CYP4F3: variants seen among roughly 807,000 people sequenced by gnomAD.
CYP4F3 encodes the protein cytochrome P450 family 4 subfamily F member 3.
A neutral mutation model predicts 54.8 loss-of-function variants in CYP4F3; 50 were observed. The ratio of observed to expected loss-of-function variants is 0.91; its 90% CI spans 0.73 to 1.16. CYP4F3 has a LOEUF of 1.16. Ranked by LOEUF, CYP4F3 falls within the 50% of genes most tolerant of loss-of-function variation. The pLI, the probability that CYP4F3 is intolerant of heterozygous loss-of-function variation, is 0.00. For missense variants in CYP4F3, 715 were observed against 676.2 expected (o/e 1.06, Z -0.64); for synonymous variants, 244 against 262.6 (o/e 0.93, Z 0.69).
intron 11 of CYP4F3, 59 bp downstream of exon 11, chr19:15,658,614 G>T: frequency 6.2e-7 from 1 of 1,610,848 alleles, no homozygotes; most frequent in Non-Finnish European, 8.5e-7. Context: ...AGGGGGCAGG[G>T]TTTTGATCAG....
intron 8 of CYP4F3, 66 bp downstream of exon 8, chr19:15,652,701 G>A: frequency 3.1e-6 from 5 of 1,612,202 alleles, no homozygotes; most frequent in Non-Finnish European, 3.4e-6. Flanking sequence ...CAGGGTGGGT[G>A]GACCCCTCGC....
At chr19:15,651,315 G>GT (rs1972848696) in intron 7 of CYP4F3, among the ~76,000 whole-genome samples, 1 of 136,658 alleles carries the variant, frequency 7.3e-6, no homozygotes, top group African/African-American at 2.6e-5. Flanking sequence ...CTATGTCCAT[G>GT]TTTTTTTGTC....
At chr19:15,646,615 G>C (rs1972632802) in intron 3 of CYP4F3, among the ~76,000 whole-genome samples, 2 of 152,140 alleles carry the variant, frequency 1.3e-5, no homozygotes, top group Non-Finnish European at 2.9e-5. Flanking sequence ...GCCATGTCAG[G>C]ACTTGTGAAC....
At position 15,658,271 on chromosome 19, in the gene CYP4F3, C is replaced by G. The variant is rs775424947; in HGVS notation, c.1123C>G (p.Leu375Val). Residue 375 changes from leucine to valine, a missense_variant, in exon 10 of 13, where the codon CTG becomes GTG. Leu to Val is a conservative substitution (Grantham distance 32). Coordinates refer to ENST00000221307, the MANE Select transcript of CYP4F3 (RefSeq NM_000896.3). ...GCTGGGGTGTTTCCTTAGGGACGAC[C>G]TGGCCCAGCTGCCCTTCCTGACCAT... The part of the protein sequence containing the change: ...REPKEIEWDD[L>V]AQLPFLTMCI... 3.7e-6 allele frequency: 6 copies of G among 1,614,030 alleles called. No individual in the cohort carries two copies. Among genetic ancestry groups the G allele is most frequent in the Non-Finnish European group, 5.1e-6 (6 of 1,179,964 alleles).
chr19:15,645,294 C>T (rs1972589843), intron 2 of CYP4F3, among the ~76,000 whole-genome samples: 2 of 152,206 alleles, frequency 1.3e-5, no homozygotes, highest in South Asian at 4.1e-4. Flanking sequence ...CTAGTCTCGG[C>T]AGGCCTGGGC....
chr19:15,653,888 C>G (rs1379974741), intron 9 of CYP4F3, among the ~76,000 whole-genome samples: 1 of 151,904 alleles, frequency 6.6e-6, no homozygotes, highest in Non-Finnish European at 1.5e-5. Context: ...GCTGTGGAAG[C>G]CTTGGGGAAA....
At chr19:15,648,871 A>G (rs1038149167) in intron 5 of CYP4F3, among the ~76,000 whole-genome samples, 7 of 152,200 alleles carry the variant, frequency 4.6e-5, no homozygotes, top group African/African-American at 1.7e-4. Context: ...CTGTTCCTGA[A>G]TATCTGACAG....
rs767984083 is a variant in CYP4F3 at position 15,647,264 on chromosome 19, C to T, written c.465C>T (p.Phe155=). The T allele has an allele frequency of 6.2e-6, 10 of 1,614,218 alleles. No homozygotes were observed. Among genetic ancestry groups the T allele is most frequent in the Middle Eastern group, 1.6e-4 (1 of 6,062 alleles). Residue 155 remains phenylalanine, a synonymous_variant, in exon 5 of 13, where the codon TTC becomes TTT. Coordinates refer to ENST00000221307, the MANE Select transcript of CYP4F3 (RefSeq NM_000896.3). ...ACCGTCGGATGCTGACGCCTGCCTT[C>T]CATTTCAACATCCTGAAGCCCTATA... ...SRHRRMLTPA[F]HFNILKPYMK...
Position 15,652,591 on chromosome 19 carries a change from C to G in CYP4F3, c.941C>G (p.Ser314Cys). Residue 314 changes from serine to cysteine, a missense_variant, in exon 8 of 13, where the codon TCC becomes TGC. Coordinates refer to ENST00000221307, the MANE Select transcript of CYP4F3 (RefSeq NM_000896.3). ...CAGGATGAAGATGGGAAGAAGTTGT[C>G]CGATGAGGACATAAGAGCAGAAGCT... ...LSKDEDGKKL[S>C]DEDIRAEADT... The G allele has an allele frequency of 6.2e-7, 1 of 1,614,108 alleles. No individual in the cohort carries two copies. The highest frequency in any genetic ancestry group is 8.5e-7 in the Non-Finnish European group (1 of 1,180,012).
At chr19:15,657,418 T>C (rs1158220625) in intron 9 of CYP4F3, among the ~76,000 whole-genome samples, 1 of 152,172 alleles carries the variant, frequency 6.6e-6, no homozygotes, top group East Asian at 1.9e-4. Context: ...CTCAGCCTCC[T>C]GAGTAGCTGG....
At chr19:15,647,440 T>C (rs548161623) in intron 5 of CYP4F3, 116 bp downstream of exon 5, 3 of 1,502,770 alleles carry the variant, frequency 2.0e-6, no homozygotes, top group Non-Finnish European at 1.8e-6. Flanking sequence ...TCTTCCTCTC[T>C]GAGCTTTGGT....
rs1973190014 is a variant in CYP4F3, at chr19:15,661,890, AT to A, written c.*2508del. On this transcript the variant is annotated 3_prime_UTR_variant, in exon 13 of 13. Transcript: ENST00000221307. ...GTTTACATGTAATTCCATAATCTCC[AT>A]TTAGTTAAATTTTGTATGGGGTGTG... 1 of 152,178 alleles carries A rather than the reference AT, an allele frequency of 6.6e-6. No individual in the cohort carries two copies. The highest frequency in any genetic ancestry group is 2.1e-4 in the South Asian group (1 of 4,832). 9.4% of individuals were successfully genotyped at this position (152,178 alleles called of 1,614,324 possible). A position where few individuals can be genotyped will look rare whatever the true frequency, so the allele number is the denominator to read the frequency against.
chr19:15,646,962 G>T, intron 3 of CYP4F3, 90 bp from the exon 4 acceptor site: 1 of 1,567,262 alleles, frequency 6.4e-7, no homozygotes, highest in Admixed American at 1.8e-5. Flanking sequence ...GAGGGAAGAA[G>T]TGCAAACCTC....
intron 9 of CYP4F3, among the ~76,000 whole-genome samples, chr19:15,656,540 A>G (rs560921190): frequency 2.5e-5 from 3 of 122,296 alleles, no homozygotes; most frequent in African/African-American, 8.5e-5. Flanking sequence ...TCATCTATCA[A>G]TGTATCTATC....
At chr19:15,652,306 T>TGAAAAA (rs1972879862) in intron 7 of CYP4F3, among the ~76,000 whole-genome samples, 1 of 152,018 alleles carries the variant, frequency 6.6e-6, no homozygotes, top group Admixed American at 6.5e-5. Flanking sequence ...AAAGTTTTCA[T>TGAAAAA]CAAGCAGAAA....
At chr19:15,650,698 T>TTTCCTTCCTTCCA (rs1972784656) in intron 7 of CYP4F3, among the ~76,000 whole-genome samples, 1 of 62,182 alleles carries the variant, frequency 1.6e-5, no homozygotes, top group African/African-American at 1.1e-4. Context: ...CTTTCTTTCT[T>TTTCCTTCCTTCCA]TCTTTCTTTC....
At chr19:15,653,820 A>G (rs1030389655) in intron 9 of CYP4F3, among the ~76,000 whole-genome samples, 22 of 127,250 alleles carry the variant, frequency 1.7e-4, no homozygotes, top group African/African-American at 2.8e-4. Flanking sequence ...GAAGGGGAGA[A>G]AGAGGGAGAG....
In CYP4F3 at chr19:15,660,751, C is replaced by G. The variant is rs1304175820; in HGVS notation, c.*1366C>G. On this transcript the variant is annotated 3_prime_UTR_variant, in exon 13 of 13. Transcript: ENST00000221307. ...TTTTTTTTTGAGATGGAGTCTCGCTCTGTTGCCCAGGCTGGAGTGCAGTGG... is the reference window on the plus strand; with the variant it reads ...TTTTTTTTTGAGATGGAGTCTCGCTGTGTTGCCCAGGCTGGAGTGCAGTGG... The G allele has an allele frequency of 7.4e-5, 11 of 149,054 alleles. No homozygotes were observed. The Admixed American group carries it at 7.4e-4, about 10-fold the overall frequency. The allele number at this position is 149,054 out of a possible 1,614,324, so 9.2% of individuals were successfully genotyped here.
chr19:15,655,781 G>C (rs1297688336), intron 9 of CYP4F3, among the ~76,000 whole-genome samples: 1 of 152,136 alleles, frequency 6.6e-6, no homozygotes, highest in Non-Finnish European at 1.5e-5. Flanking sequence ...TTTTAAATTT[G>C]TTCTTTGTCT....
Sources: allele counts gnomAD v4.1 joint callset (sites outside exome capture counted in the v4.1 genomes callset), GRCh38; gene constraint gnomAD v4.1.1; transcripts MANE v1.5; gene names NCBI Gene and HGNC (gene_info 2026-07-23, HGNC 2026-07-21).